Variants in HUNK observed in about 807,000 individuals in gnomAD.
HUNK encodes the protein hormonally up-regulated neu tumor-associated kinase.
A neutral mutation model predicts 61.0 loss-of-function variants in HUNK; 21 were observed. The ratio of observed to expected loss-of-function variants is 0.34; its 90% CI spans 0.24 to 0.50. The LOEUF (loss-of-function observed/expected upper bound fraction) is 0.50, where lower values mean the gene tolerates loss of function less well. HUNK is among the 20% of genes least tolerant of loss of function. The probability of loss-of-function intolerance (pLI) is 0.98; values close to 1 mark genes in which losing one functional copy is unlikely to be tolerated. For missense variants in HUNK, 772 were observed against 945.7 expected, an observed-to-expected ratio of 0.82 and a Z score of 2.41; for synonymous variants, 371 against 386.1, an observed-to-expected ratio of 0.96 and a Z score of 0.46.
intron 7 of HUNK, 84 bp from the exon 8 acceptor site, chr21:31,983,442 C>G: frequency 9.4e-7 from 1 of 1,066,210 alleles, no homozygotes; most frequent in East Asian, 2.4e-5. Flanking sequence ...CTCAGCCAAG[C>G]GCTGGTTTAA....
At chr21:31,943,793 G>A (rs1245535193) in intron 3 of HUNK, among the ~76,000 whole-genome samples, 1 of 152,146 alleles carries the variant, frequency 6.6e-6, no homozygotes, top group African/African-American at 2.4e-5. Context: ...GTCTCAGGGT[G>A]GTGAGGAAGT....
At chr21:31,944,206 A>T (rs573765858) in intron 3 of HUNK, among the ~76,000 whole-genome samples, 122 of 152,276 alleles carry the variant, frequency 8.0e-4, no homozygotes, top group South Asian at 7.9e-3. Flanking sequence ...CAGCCTCCCG[A>T]GTAGCTGGGA....
chr21:31,878,373 T>C (rs754914308), intron 1 of HUNK, among the ~76,000 whole-genome samples: 3 of 151,834 alleles, frequency 2.0e-5, no homozygotes, highest in Non-Finnish European at 4.4e-5. Flanking sequence ...TTATAAATAA[T>C]GTTTGTAAGG....
At chr21:31,933,181 G>T (rs1309329598) in intron 2 of HUNK, among the ~76,000 whole-genome samples, 4 of 151,852 alleles carry the variant, frequency 2.6e-5, no homozygotes, top group African/African-American at 9.7e-5. Context: ...TTCCCAAAGT[G>T]GTTGGATTAC....
At chr21:31,916,089 C>T (rs750196029) in intron 1 of HUNK, among the ~76,000 whole-genome samples, 10 of 110,274 alleles carry the variant, frequency 9.1e-5, no homozygotes, top group Non-Finnish European at 1.2e-4. Flanking sequence ...CTCGCTCTGT[C>T]GCCCAGGCTG....
At chr21:31,945,763 T>C (rs992002151) in intron 3 of HUNK, among the ~76,000 whole-genome samples, 26 of 152,296 alleles carry the variant, frequency 1.7e-4, no homozygotes, top group African/African-American at 5.1e-4. Context: ...GGAAATAGGT[T>C]TTAGTTCAGC....
At chr21:31,948,766 A>G (rs1419097805) in intron 4 of HUNK, among the ~76,000 whole-genome samples, 2 of 152,224 alleles carry the variant, frequency 1.3e-5, no homozygotes, top group Non-Finnish European at 2.9e-5. Context: ...TGGCTGAGAA[A>G]GCAAGCAGAG....
chr21:31,963,580 C>T (rs969899037), intron 5 of HUNK, among the ~76,000 whole-genome samples: 1 of 152,176 alleles, frequency 6.6e-6, no homozygotes, highest in Non-Finnish European at 1.5e-5. Context: ...TCACTGCAGC[C>T]TCGGCCTCCG....
chr21:31,963,464 A>G (rs2052942237), intron 5 of HUNK, among the ~76,000 whole-genome samples: 1 of 152,168 alleles, frequency 6.6e-6, no homozygotes, highest in African/African-American at 2.4e-5. Flanking sequence ...ACTAATGCAC[A>G]TCTTTATTAA....
At chr21:31,911,015 G>A (rs950367291) in intron 1 of HUNK, among the ~76,000 whole-genome samples, 3 of 152,178 alleles carry the variant, frequency 2.0e-5, no homozygotes, top group Admixed American at 6.5e-5. Flanking sequence ...TCTGAGGTTG[G>A]AACCCATGGA....
At chr21:31,979,659 G>T (rs543213776) in intron 7 of HUNK, among the ~76,000 whole-genome samples, 2 of 150,798 alleles carry the variant, frequency 1.3e-5, no homozygotes, top group Non-Finnish European at 2.9e-5. Context: ...GGGACTACAG[G>T]CACCTGCCAC....
intron 1 of HUNK, among the ~76,000 whole-genome samples, chr21:31,914,415 A>C (rs1386403377): frequency 6.9e-6 from 1 of 145,970 alleles, no homozygotes; most frequent in Non-Finnish European, 1.5e-5. Context: ...TCTCAAAAAA[A>C]AAAAAAAAAA....
intron 3 of HUNK, among the ~76,000 whole-genome samples, chr21:31,943,543 G>A (rs1472744995): frequency 2.0e-5 from 3 of 152,284 alleles, no homozygotes; most frequent in Admixed American, 2.0e-4. Flanking sequence ...AAGCAAACTG[G>A]TTGTTTCTCT....
chr21:31,928,229 G>T (rs1186578611), intron 2 of HUNK, among the ~76,000 whole-genome samples: 1 of 152,100 alleles, frequency 6.6e-6, no homozygotes, highest in Non-Finnish European at 1.5e-5. Flanking sequence ...AGTACTCAGG[G>T]TGTTTTTTCC....
At chr21:31,995,673 A>G in intron 9 of HUNK, 95 bp from the exon 10 acceptor site, 1 of 961,452 alleles carries the variant, frequency 1.0e-6, no homozygotes, top group Non-Finnish European at 1.6e-6. Flanking sequence ...GAAAAGGTGG[A>G]GTTTCTCTAA....
chr21:31,937,244 A>G (rs952202516), intron 2 of HUNK, among the ~76,000 whole-genome samples: 2 of 152,218 alleles, frequency 1.3e-5, no homozygotes, highest in Non-Finnish European at 2.9e-5. Flanking sequence ...TTTATTTTCA[A>G]TAACAAAGTA....
intron 1 of HUNK, among the ~76,000 whole-genome samples, chr21:31,901,745 A>T: frequency 6.6e-6 from 1 of 152,322 alleles, no homozygotes; most frequent in South Asian, 2.1e-4. Context: ...GAGGATGTCC[A>T]TGGTGTAGAG....
At position 31,948,173 on chromosome 21, in the gene HUNK, C is replaced by T. The variant is rs372819123; in HGVS notation, c.746+2002C>T. Among the ~76,000 whole-genome samples the T allele has an allele frequency of 7.9e-5, 12 of 152,308 alleles. No homozygotes were observed. The East Asian group carries it at 1.7e-3, about 22-fold the overall frequency. ...TCCTTTCAGGGTCTCAAGATACAGC[C>T]CCAGCTCTCCAACGTGGCGTGTGGG... On this transcript the variant is annotated intron_variant, in intron 4 of 10. Coordinates refer to ENST00000270112, the MANE Select transcript of HUNK (RefSeq NM_014586.2).
At position 31,998,516 on chromosome 21, in the gene HUNK, T is replaced by C; in HGVS notation, c.1487-10T>C. 6.4e-7 allele frequency: 1 copy of C among 1,567,340 alleles called. No homozygotes were observed. Among genetic ancestry groups the C allele is most frequent in the Non-Finnish European group, 8.6e-7 (1 of 1,158,178 alleles). On this transcript the variant is annotated splice_polypyrimidine_tract_variant and intron_variant, in intron 10 of 10. Coordinates refer to ENST00000270112, the MANE Select transcript of HUNK (RefSeq NM_014586.2). The stretch of plus-strand genomic sequence containing the variant: ...GTCCTCATGATTGTTTATGCTTTCT[T>C]GGTGTGCAGATTCCTTTGGCTGCCG...
Sources: allele counts gnomAD v4.1 joint callset (sites outside exome capture counted in the v4.1 genomes callset), GRCh38; gene constraint gnomAD v4.1.1; transcripts MANE v1.5; gene names NCBI Gene and HGNC (gene_info 2026-07-23, HGNC 2026-07-21).